TMEM135: variants seen among roughly 807,000 people sequenced by gnomAD.
TMEM135 encodes the protein transmembrane protein 135.
TMEM135 carries 30 observed loss-of-function variants against 60.3 expected under a neutral mutation model. That is an observed-to-expected ratio of 0.50 (90% CI 0.37 to 0.68). The LOEUF is 0.68. TMEM135 is among the 30% of genes least tolerant of loss of function. The probability of loss-of-function intolerance (pLI) is 0.00; values close to 1 mark genes in which losing one functional copy is unlikely to be tolerated. For synonymous variants in TMEM135, 190 were observed against 186.7 expected, an observed-to-expected ratio of 1.02 and a Z score of -0.14; for missense variants, 468 against 548.8, an observed-to-expected ratio of 0.85 and a Z score of 1.47.
chr11:87,151,924 T>C (rs1938565124), intron 4 of TMEM135, among the ~76,000 whole-genome samples: 1 of 151,966 alleles, frequency 6.6e-6, no homozygotes, highest in Admixed American at 6.6e-5. Flanking sequence ...CCTACCTCTG[T>C]TTTTTTTCCT....
chr11:87,075,547 C>A (rs1252023811), intron 3 of TMEM135, among the ~76,000 whole-genome samples: 1 of 152,238 alleles, frequency 6.6e-6, no homozygotes, highest in East Asian at 1.9e-4. Flanking sequence ...GCCTTGGCCA[C>A]TGAAACTGTT....
rs541438251 is a variant in TMEM135, at chr11:87,077,799, T to C, written c.362+6184T>C. ...CCCTAGGCAACCACTAATTTCTGTC[T>C]CTAAAGATTTGCTTCTTCTGGACAT... On this transcript the variant is annotated intron_variant, in intron 3 of 14. Coordinates refer to ENST00000305494, the MANE Select transcript of TMEM135 (RefSeq NM_022918.4). 2.6e-5 allele frequency among the ~76,000 whole-genome samples: 4 copies of C among 152,368 alleles called. No homozygotes were observed. The East Asian group carries it at 7.7e-4, about 29-fold the overall frequency.
At chr11:87,237,030 G>A (rs1323588742) in intron 6 of TMEM135, among the ~76,000 whole-genome samples, 1 of 151,880 alleles carries the variant, frequency 6.6e-6, no homozygotes, top group Non-Finnish European at 1.5e-5. Context: ...CACTCTGCTT[G>A]TAAAACAATC....
intron 14 of TMEM135, 105 bp from the exon 15 acceptor site, chr11:87,321,096 A>G (rs1942811601): frequency 9.6e-7 from 1 of 1,040,326 alleles, no homozygotes; most frequent in Non-Finnish European, 1.4e-6. Context: ...TTGCCACGTT[A>G]GCCTTTTCTG....
intron 5 of TMEM135, among the ~76,000 whole-genome samples, chr11:87,230,183 G>A (rs563152075): frequency 3.9e-5 from 6 of 152,088 alleles, no homozygotes; most frequent in African/African-American, 7.2e-5. Flanking sequence ...GGACTTGCCT[G>A]TTCTGGAATT....
chr11:87,321,168 T>C lies in TMEM135; in HGVS notation c.1245-33T>C, dbSNP rs763980403. 3 of 1,576,460 alleles carry C rather than the reference T, an allele frequency of 1.9e-6. No homozygotes were observed. In the African/African-American group the frequency reaches 4.1e-5, roughly 21 times the overall value. ...AATTATTTTATTTTATAAACTATATTAATACTTGTTTACTGTATTCTTTGT... is the reference window on the plus strand; with the variant it reads ...AATTATTTTATTTTATAAACTATATCAATACTTGTTTACTGTATTCTTTGT... On this transcript the variant is annotated intron_variant, in intron 14 of 14. Coordinates refer to ENST00000305494, the MANE Select transcript of TMEM135 (RefSeq NM_022918.4).
At chr11:87,252,265 C>T (rs1165284207) in intron 6 of TMEM135, among the ~76,000 whole-genome samples, 2 of 151,954 alleles carry the variant, frequency 1.3e-5, no homozygotes, top group Non-Finnish European at 2.9e-5. Flanking sequence ...AGAGTCTAAA[C>T]TCTGGTCCAT....
Position 87,327,571 on chromosome 11 carries a change from A to G in TMEM135, c.*6238A>G, listed in dbSNP as rs1471065353. On this transcript the variant is annotated 3_prime_UTR_variant, in exon 15 of 15. Coordinates refer to ENST00000305494, the MANE Select transcript of TMEM135 (RefSeq NM_022918.4). ...GGGATAGAGAGAGACACAGAGAGAG[A>G]TATGAGAGGGGATTAAGGGAGTTGG... 1.1e-5 allele frequency: 5 copies of G among 451,696 alleles called. No individual in the cohort carries two copies. The highest frequency in any genetic ancestry group is 6.2e-5 in the South Asian group (4 of 64,252). 28.0% of individuals were successfully genotyped at this position (451,696 alleles called of 1,614,324 possible).
At chr11:87,054,566 T>A (rs1405603489) in intron 1 of TMEM135, among the ~76,000 whole-genome samples, 2 of 152,236 alleles carry the variant, frequency 1.3e-5, no homozygotes, top group African/African-American at 4.8e-5. Context: ...TTTATAAGAA[T>A]GCTGAATTTT....
intron 5 of TMEM135, among the ~76,000 whole-genome samples, chr11:87,189,758 G>GAAAAAAAAAAA (rs796303818): frequency 3.5e-5 from 4 of 115,562 alleles, no homozygotes; most frequent in Non-Finnish European, 3.6e-5. Flanking sequence ...CGTCTCCACA[G>GAAAAAAAAAAA]AAAAAAAAAA....
At chr11:87,230,417 T>A (rs2135366867) in intron 5 of TMEM135, among the ~76,000 whole-genome samples, 1 of 152,206 alleles carries the variant, frequency 6.6e-6, no homozygotes, top group East Asian at 1.9e-4. Flanking sequence ...TATAGAGAAA[T>A]TTTTTCAAGT....
chr11:87,268,752 T>C (rs1941803543), intron 6 of TMEM135, among the ~76,000 whole-genome samples: 1 of 152,182 alleles, frequency 6.6e-6, no homozygotes, highest in Non-Finnish European at 1.5e-5. Context: ...GTATGTTTTG[T>C]TGCTTGTGGA....
chr11:87,123,101 T>C (rs1345584832), intron 4 of TMEM135, among the ~76,000 whole-genome samples: 1 of 152,244 alleles, frequency 6.6e-6, no homozygotes, highest in Non-Finnish European at 1.5e-5. Flanking sequence ...CATATTATTT[T>C]CACATGTCAA....
intron 5 of TMEM135, among the ~76,000 whole-genome samples, chr11:87,211,658 T>G (rs1940373115): frequency 6.6e-6 from 1 of 152,180 alleles, no homozygotes; most frequent in African/African-American, 2.4e-5. Flanking sequence ...TCTTTTCTAC[T>G]GAGCCCTTAT....
intron 4 of TMEM135, among the ~76,000 whole-genome samples, chr11:87,141,668 G>T (rs1238430998): frequency 6.6e-6 from 1 of 152,108 alleles, no homozygotes; most frequent in Admixed American, 6.5e-5. Flanking sequence ...ATTTTAGGTA[G>T]AAAGTTGTTC....
At chr11:87,235,432 C>T (rs1940975402) in intron 5 of TMEM135, among the ~76,000 whole-genome samples, 1 of 151,818 alleles carries the variant, frequency 6.6e-6, no homozygotes, top group African/African-American at 2.4e-5. Context: ...TTATATATTT[C>T]TAAGTCATTC....
chr11:87,241,055 C>T (rs1455464688), intron 6 of TMEM135, among the ~76,000 whole-genome samples: 1 of 151,624 alleles, frequency 6.6e-6, no homozygotes, highest in Non-Finnish European at 1.5e-5. Flanking sequence ...TTCTTTTTGC[C>T]ATTTGAGAAT....
rs1412827479 is a variant in TMEM135, at chr11:87,236,587, A to G, written c.463-51A>G. 1.9e-6 allele frequency: 3 copies of G among 1,541,878 alleles called. No individual in the cohort carries two copies. In the African/African-American group the frequency reaches 4.1e-5, roughly 21 times the overall value. The stretch of plus-strand genomic sequence containing the variant: ...TATTTTGCTTTTATGAGTCACTCAA[A>G]TGGTGATGTCAGTGTTCTTTTGCAA... On this transcript the variant is annotated intron_variant, in intron 5 of 14. Transcript: ENST00000305494.
chr11:87,279,129 A>AT (rs899095299), intron 6 of TMEM135, among the ~76,000 whole-genome samples: 9 of 149,812 alleles, frequency 6.0e-5, no homozygotes, highest in South Asian at 2.1e-4. Flanking sequence ...AGTTCAGGTC[A>AT]TTTTTTTTTC....
Sources: gnomAD v4.1 joint callset for allele counts (sites outside exome capture counted in the v4.1 genomes callset) on GRCh38, gnomAD v4.1.1 for gene constraint, MANE v1.5 for transcripts, NCBI Gene and HGNC (gene_info 2026-07-23, HGNC 2026-07-21) for gene names.